Variants in TEPSIN observed in about 807,000 individuals in gnomAD.
The protein encoded by TEPSIN is TEPSIN adaptor related protein complex 4 accessory protein.
TEPSIN carries 50 observed loss-of-function variants against 48.5 expected under a neutral mutation model. The observed-to-expected ratio is 1.03, with a 90% CI of 0.82 to 1.31. The LOEUF (loss-of-function observed/expected upper bound fraction) is 1.31, where lower values mean the gene tolerates loss of function less well. Ranked by LOEUF, TEPSIN falls within the 50% of genes most tolerant of loss-of-function variation. The probability of loss-of-function intolerance (pLI) is 0.00; values close to 1 mark genes in which losing one functional copy is unlikely to be tolerated. For synonymous variants in TEPSIN, 392 were observed against 358.8 expected, an observed-to-expected ratio of 1.09 and a Z score of -1.05; for missense variants, 838 against 815.9, an observed-to-expected ratio of 1.03 and a Z score of -0.33.
In TEPSIN at chr17:81,229,152, C is replaced by G. The variant is rs1489196524; in HGVS notation, c.1558G>C (p.Gly520Arg). 6.2e-7 allele frequency: 1 copy of G among 1,612,804 alleles called. No homozygotes were observed. The highest frequency in any genetic ancestry group is 8.5e-7 in the Non-Finnish European group (1 of 1,179,710). The change falls in exon 13 of 13, where the codon GGC becomes CGC. Residue 520 changes from glycine to arginine, a missense_variant. By Grantham distance (125) the Gly-to-Arg change is moderately radical (BLOSUM62 -2). Transcript: ENST00000637944. The part of the protein sequence containing the change: ...RRWRPERIPG[G>R]TDSPKRGPSS... The stretch of plus-strand genomic sequence containing the variant: ...GGGCCTCTCTTTGGGCTGTCCGTGC[C>G]CCCTGGGATCCGTTCAGGTCTCCAC...
intron 12 of TEPSIN, 150 bp from the exon 13 acceptor site, chr17:81,229,626 G>C (rs891281149): frequency 4.9e-6 from 4 of 812,248 alleles, no homozygotes; most frequent in Non-Finnish European, 5.8e-6. Context: ...GGAGGGGCTG[G>C]GGCAGTGCAC....
chr17:81,228,422 GA>G lies in TEPSIN; in HGVS notation c.*505del. The G allele has an allele frequency of 5.1e-6, 1 of 194,456 alleles. No homozygotes were observed. The highest frequency in any genetic ancestry group is 8.3e-5 in the South Asian group (1 of 12,056). 12.0% of individuals were successfully genotyped at this position (194,456 alleles called of 1,614,324 possible). A position where few individuals can be genotyped will look rare whatever the true frequency, so the allele number is the denominator to read the frequency against. ...AAGGAGCAGGTGAGAGCCAGGGAAG[GA>G]TCACGTAGGGATCTGAGACTTGAAA... is the stretch of plus-strand genomic sequence containing the variant. On this transcript the variant is annotated 3_prime_UTR_variant, in exon 13 of 13. Coordinates refer to ENST00000637944, the MANE Select transcript of TEPSIN (RefSeq NM_001363764.2).
intron 1 of TEPSIN, 84 bp downstream of exon 1, chr17:81,238,902 G>C: frequency 7.3e-7 from 1 of 1,377,166 alleles, no homozygotes; most frequent in Non-Finnish European, 9.3e-7. Flanking sequence ...CAAGGTCAAT[G>C]GCTCCGGCCC....
chr17:81,233,702 G>C lies in TEPSIN; in HGVS notation c.390C>G (p.Thr130=). 1 of 1,599,362 alleles carries C rather than the reference G, an allele frequency of 6.3e-7. No individual in the cohort carries two copies. The highest frequency in any genetic ancestry group is 8.5e-7 in the Non-Finnish European group (1 of 1,175,258). Residue 130 remains threonine (T), a synonymous_variant, in exon 6 of 13, where the codon ACC becomes ACG. Coordinates refer to ENST00000637944, the MANE Select transcript of TEPSIN (RefSeq NM_001363764.2). The surrounding 1 kb of genome is among the most constrained non-coding windows in gnomAD (Gnocchi z 5.8). ...GCGGCAACACGGTGTCCGAGAACAG[G>C]GTGCTCCCCAAGTCCTACAGGGGGA... The part of the protein sequence containing the change: ...VRAAAQDLGS[T]LFSDTVLPLA...
chr17:81,228,740 G>T lies in TEPSIN; in HGVS notation c.*188C>A. ...GAAGCCCTGCCACCTGCCATCCCTCGTAGGGATTCAAGTCCAAATAGCCAG... is the reference window on the plus strand; with the variant it reads ...GAAGCCCTGCCACCTGCCATCCCTCTTAGGGATTCAAGTCCAAATAGCCAG... On this transcript the variant is annotated 3_prime_UTR_variant, in exon 13 of 13. Transcript: ENST00000637944. The T allele has an allele frequency of 1.4e-6, 1 of 704,208 alleles. No individual in the cohort carries two copies. The allele number at this position is 704,208 out of a possible 1,614,324, so 43.6% of individuals were successfully genotyped here. A position where few individuals can be genotyped will look rare whatever the true frequency, so the allele number is the denominator to read the frequency against.
rs751453449 is a variant in TEPSIN at position 81,229,107 on chromosome 17, G to A, written c.1603C>T (p.Arg535Cys). ...TCCATGCCAGCAAACAAGGAGTCGC[G>A]GCTCCACGCACAGCTGCTGGGGCCT... ...KRGPSSCAWS[R>C]DSLFAGMELV... is the part of the protein sequence containing the mutation. The change falls in exon 13 of 13, where the codon CGC becomes TGC. Residue 535 changes from arginine (R) to cysteine (C), a missense_variant. By Grantham distance (180) the Arg-to-Cys change is radical. Coordinates refer to ENST00000637944, the MANE Select transcript of TEPSIN (RefSeq NM_001363764.2). The A allele has an allele frequency of 5.6e-6, 9 of 1,613,368 alleles. No individual in the cohort carries two copies. Among genetic ancestry groups the A allele is most frequent in the African/African-American group, 2.7e-5 (2 of 74,872 alleles).
intron 1 of TEPSIN, 33 bp downstream of exon 1, chr17:81,238,953 G>T: frequency 7.0e-7 from 1 of 1,425,008 alleles, no homozygotes; most frequent in South Asian, 1.4e-5. Context: ...AGGAGCCGTG[G>T]GACCGGGGCC....
In TEPSIN at chr17:81,236,771, G is replaced by A; in HGVS notation, c.244C>T (p.His82Tyr). The A allele has an allele frequency of 6.4e-7, 1 of 1,572,358 alleles. No individual in the cohort carries two copies. Among genetic ancestry groups the A allele is most frequent in the Non-Finnish European group, 8.6e-7 (1 of 1,159,474 alleles). Residue 82 changes from histidine to tyrosine, a missense_variant, in exon 4 of 13, where the codon CAC becomes TAC. His to Tyr is a moderately conservative substitution (Grantham distance 83, BLOSUM62 2). Coordinates refer to ENST00000637944, the MANE Select transcript of TEPSIN (RefSeq NM_001363764.2). ...ATGAGCAGGAAGAAGGAGGAGCCGT[G>A]GCTGCACAGATAGAGCAGGATCTTC... is the stretch of plus-strand genomic sequence containing the variant. ...VLKILLYLCS[H>Y]GSSFFLLILK...
At position 81,233,365 on chromosome 17, in the gene TEPSIN, G is replaced by A. The variant is rs1290998786; in HGVS notation, c.526+67C>T. 29 of 1,560,320 alleles carry A rather than the reference G, an allele frequency of 1.9e-5. No homozygotes were observed. The highest frequency in any genetic ancestry group is 1.0e-4 in the South Asian group (9 of 86,330). ...GCTACTAGATGGGGCGGCATGGTCC[G>A]GCCCCCACCACCTCCTCATCCCCAC... is the stretch of plus-strand genomic sequence containing the variant. On this transcript the variant is annotated intron_variant, in intron 7 of 12. Transcript: ENST00000637944. This position sits in a 1 kb window ranked among gnomAD's most constrained non-coding sequence, Gnocchi z 5.8.
chr17:81,237,924 C>A, intron 1 of TEPSIN: 1 of 980,864 alleles, frequency 1.0e-6, no homozygotes, highest in East Asian at 1.1e-4. Context: ...AGCTCCATCG[C>A]TCCCCGAGAA....
chr17:81,229,964 C>G, intron 12 of TEPSIN: 1 of 172,194 alleles, frequency 5.8e-6, no homozygotes, highest in Non-Finnish European at 1.2e-5. Flanking sequence ...TTAAGGATGA[C>G]TTGGGGATGG....
In TEPSIN at chr17:81,231,703, A is replaced by G; in HGVS notation, c.906-12T>C. ...CCACCACCTCGACCCTGCCAGGGGG[A>G]ATGGCCGGGTCAAGGGTGAGTGGAG... On this transcript the variant is annotated splice_polypyrimidine_tract_variant and intron_variant, in intron 9 of 12. Coordinates refer to ENST00000637944, the MANE Select transcript of TEPSIN (RefSeq NM_001363764.2). 3.7e-6 allele frequency: 6 copies of G among 1,610,224 alleles called. No individual in the cohort carries two copies. The highest frequency in any genetic ancestry group is 1.7e-4 in the Middle Eastern group (1 of 6,030).
chr17:81,230,431 G>A lies in TEPSIN; in HGVS notation c.1233+113C>T, dbSNP rs1361927597. On this transcript the variant is annotated intron_variant, in intron 12 of 12. Coordinates refer to ENST00000637944, the MANE Select transcript of TEPSIN (RefSeq NM_001363764.2). This position sits in a 1 kb window ranked among gnomAD's most constrained non-coding sequence, Gnocchi z 4.2. ...CAGCGGGACAGGGACTTGAGAGGGG[G>A]TCCGGGAAGGGCTGACCAGGCGCCG... 4.2e-6 allele frequency: 6 copies of A among 1,445,030 alleles called. No individual in the cohort carries two copies. The Admixed American group carries it at 7.8e-5, about 19-fold the overall frequency. 89.5% of individuals were successfully genotyped at this position (1,445,030 alleles called of 1,614,324 possible).
In TEPSIN at chr17:81,232,032, C is replaced by T. The variant is rs528168481; in HGVS notation, c.731-11G>A. The T allele has an allele frequency of 1.6e-5, 25 of 1,603,658 alleles. No homozygotes were observed. In the African/African-American group the frequency reaches 2.9e-4, roughly 19 times the overall value. On this transcript the variant is annotated splice_polypyrimidine_tract_variant and intron_variant, in intron 8 of 12. Transcript: ENST00000637944. ...GCTGATGCCTCACAGCTGGAGGAAA[C>T]AGGACAGCCGGTGAGATCCCTGGGG... is the stretch of plus-strand genomic sequence containing the variant.
intron 12 of TEPSIN, chr17:81,229,901 AGG>A: frequency 4.7e-6 from 1 of 213,704 alleles, no homozygotes; most frequent in Non-Finnish European, 9.3e-6. Context: ...TGCGAACCCC[AGG>A]CTCACTCGTC....
At position 81,233,200 on chromosome 17, in the gene TEPSIN, C is replaced by A; in HGVS notation, c.526+232G>T. 1 of 585,072 alleles carries A rather than the reference C, an allele frequency of 1.7e-6. No individual in the cohort carries two copies. The highest frequency in any genetic ancestry group is 3.0e-6 in the Non-Finnish European group (1 of 334,578). 36.2% of individuals were successfully genotyped at this position (585,072 alleles called of 1,614,324 possible). On this transcript the variant is annotated intron_variant, in intron 7 of 12. Transcript: ENST00000637944. This position sits in a 1 kb window ranked among gnomAD's most constrained non-coding sequence, Gnocchi z 5.8. ...CACGGGGCCCAGCCCTGACTTCTTG[C>A]TCGGCCTGGTTTCTCTCATCTGTCC...
At position 81,229,006 on chromosome 17, in the gene TEPSIN, G is replaced by C. The variant is rs758237895; in HGVS notation, c.1704C>G (p.Pro568=). Reference sequence around the variant, plus strand: ...CTGCTGTCCTCTGGGACGATGTTTGGGGGGCGCGGGGAGCATCAGGACAGG... The same window carrying C: ...CTGCTGTCCTCTGGGACGATGTTTGCGGGGCGCGGGGAGCATCAGGACAGG... The part of the protein sequence containing the change: ...GESCPDAPRA[P]QTSSQRTAAK... The change falls in exon 13 of 13, where the codon CCC becomes CCG. Residue 568 remains proline, a synonymous_variant. Coordinates refer to ENST00000637944, the MANE Select transcript of TEPSIN (RefSeq NM_001363764.2). 1.9e-5 allele frequency: 31 copies of C among 1,613,496 alleles called. No homozygotes were observed. In the South Asian group the frequency reaches 2.2e-4, roughly 11 times the overall value.
intron 11 of TEPSIN, 46 bp downstream of exon 11, chr17:81,231,344 CGCACACAG>C (rs1292656263): frequency 2.1e-5 from 31 of 1,466,604 alleles, no homozygotes; most frequent in Middle Eastern, 4.9e-4. Context: ...CGCACACACA[CGCACACAG>C]GCACATGCAC....
intron 4 of TEPSIN, 100 bp downstream of exon 4, chr17:81,236,608 G>T: frequency 1.6e-6 from 2 of 1,239,106 alleles, no homozygotes; most frequent in Non-Finnish European, 2.3e-6. Flanking sequence ...CCAGGTGAGG[G>T]CTCTGGCTGA....
Sources: gnomAD v4.1 joint callset for allele counts on GRCh38, gnomAD v4.1.1 for gene constraint, Gnocchi (gnomAD v3.1) non-coding constraint, MANE v1.5 for transcripts, NCBI Gene and HGNC (gene_info 2026-07-23, HGNC 2026-07-21) for gene names.